CHN1: variants seen among roughly 807,000 people sequenced by gnomAD.
CHN1 encodes the protein chimerin 1, also known as N-chimaerin.
Under a neutral mutation model 59.5 loss-of-function variants are expected in CHN1, and 37 were observed. The ratio of observed to expected loss-of-function variants is 0.62; its 90% CI spans 0.48 to 0.82. The LOEUF (loss-of-function observed/expected upper bound fraction) is 0.82, where lower values mean the gene tolerates loss of function less well. CHN1 is among the 40% of genes least tolerant of loss of function. The pLI, the probability that CHN1 is intolerant of heterozygous loss-of-function variation, is 0.00. For missense variants in CHN1, 469 were observed against 571.0 expected (o/e 0.82, Z 1.82); for synonymous variants, 206 against 200.4 (o/e 1.03, Z -0.24).
intron 5 of CHN1, among the ~76,000 whole-genome samples, chr2:174,908,233 T>C (rs1688595802): frequency 1.3e-5 from 2 of 152,234 alleles, no homozygotes; most frequent in Non-Finnish European, 2.9e-5. Context: ...AAGTGAACCC[T>C]TTAAAATCTG....
At chr2:174,985,789 A>C (rs1691320120) in intron 1 of CHN1, among the ~76,000 whole-genome samples, 1 of 152,196 alleles carries the variant, frequency 6.6e-6, no homozygotes, top group Admixed American at 6.5e-5. Flanking sequence ...TCTAAACTTT[A>C]GCATTTTAAG....
chr2:174,845,788 G>A (rs960063352), intron 7 of CHN1, among the ~76,000 whole-genome samples: 1 of 116,042 alleles, frequency 8.6e-6, no homozygotes, highest in African/African-American at 3.2e-5. Context: ...GGGTGGGGGG[G>A]GGGGTGTTGG....
chr2:174,898,340 G>A (rs1161312156), intron 5 of CHN1, among the ~76,000 whole-genome samples: 2 of 151,718 alleles, frequency 1.3e-5, no homozygotes, highest in African/African-American at 2.4e-5. Flanking sequence ...AGTGGCTCAC[G>A]CCTGTAATCC....
chr2:174,952,056 AT>A (rs1690039206), intron 2 of CHN1, 107 bp downstream of exon 2: 1 of 694,312 alleles, frequency 1.4e-6, no homozygotes, highest in African/African-American at 1.9e-5. Context: ...GTTTAAATTA[AT>A]TTTTCAACAA....
chr2:174,902,838 T>C (rs1290869991), intron 5 of CHN1, among the ~76,000 whole-genome samples: 1 of 152,234 alleles, frequency 6.6e-6, no homozygotes, highest in Non-Finnish European at 1.5e-5. Context: ...CCTTTATCAG[T>C]ATCTACTATG....
At chr2:174,965,555 T>C (rs1690566753) in intron 1 of CHN1, among the ~76,000 whole-genome samples, 1 of 152,214 alleles carries the variant, frequency 6.6e-6, no homozygotes, top group Admixed American at 6.5e-5. Context: ...AAATGACCTA[T>C]GAACACTCAA....
rs1473157915 is a variant in CHN1, at chr2:174,813,239, G to A, written c.713-757C>T. Among the ~76,000 whole-genome samples the A allele has an allele frequency of 3.3e-5, 5 of 152,162 alleles. No homozygotes were observed. The East Asian group carries it at 9.6e-4, about 29-fold the overall frequency. ...TAGTACACAGTGGAACAGAACTCAA[G>A]CCTATGGATGATTCTAGAGTCCACA... On this transcript the variant is annotated intron_variant, in intron 8 of 12. Transcript: ENST00000409900.
At chr2:174,804,676 CAG>C (rs1684831653) in intron 11 of CHN1, among the ~76,000 whole-genome samples, 1 of 152,140 alleles carries the variant, frequency 6.6e-6, no homozygotes, top group African/African-American at 2.4e-5. Context: ...GCATGAGAAA[CAG>C]AAGAATCATG....
chr2:174,903,440 T>A (rs1003673486), intron 5 of CHN1, among the ~76,000 whole-genome samples: 6 of 152,174 alleles, frequency 3.9e-5, no homozygotes, highest in Admixed American at 3.3e-4. Context: ...TATGCACATA[T>A]GCCATAAAAA....
intron 5 of CHN1, among the ~76,000 whole-genome samples, chr2:174,900,975 C>A (rs556793717): frequency 1.3e-5 from 2 of 152,100 alleles, no homozygotes; most frequent in African/African-American, 4.8e-5. Flanking sequence ...AGAAAGCTTG[C>A]ATGGTAAATA....
At chr2:174,988,000 T>C (rs1178521959) in intron 1 of CHN1, among the ~76,000 whole-genome samples, 1 of 152,096 alleles carries the variant, frequency 6.6e-6, no homozygotes, top group Non-Finnish European at 1.5e-5. Context: ...AATTTTCACA[T>C]GCTAAAGAAC....
intron 3 of CHN1, among the ~76,000 whole-genome samples, chr2:174,927,967 A>AAAAAT (rs1355953131): frequency 6.6e-6 from 1 of 152,218 alleles, no homozygotes; most frequent in Non-Finnish European, 1.5e-5. Context: ...TTATACGTTA[A>AAAAAT]AAAATAAGTA....
At chr2:174,966,946 CATT>C (rs1470155635) in intron 1 of CHN1, among the ~76,000 whole-genome samples, 1 of 152,156 alleles carries the variant, frequency 6.6e-6, no homozygotes, top group Non-Finnish European at 1.5e-5. Flanking sequence ...AAAAACTCAT[CATT>C]AATAATATAA....
At chr2:174,976,010 C>A (rs1334416539) in intron 1 of CHN1, among the ~76,000 whole-genome samples, 2 of 150,372 alleles carry the variant, frequency 1.3e-5, no homozygotes, top group African/African-American at 4.9e-5. Flanking sequence ...TCTGTAGTCC[C>A]AGCTACTTGG....
chr2:175,004,090 A>C (rs1432853626), intron 1 of CHN1, among the ~76,000 whole-genome samples: 4 of 139,366 alleles, frequency 2.9e-5, no homozygotes, highest in African/African-American at 1.4e-4. Flanking sequence ...TTGAACGTCT[A>C]ATGTTCACAT....
intron 6 of CHN1, among the ~76,000 whole-genome samples, chr2:174,869,492 T>C (rs1233348379): frequency 5.6e-5 from 7 of 125,956 alleles, no homozygotes; most frequent in South Asian, 2.3e-4. Flanking sequence ...CTTGTCCTAA[T>C]AGAAATCCTG....
chr2:175,005,347 C>A lies in CHN1; in HGVS notation c.-435G>T. On this transcript the variant is annotated 5_prime_UTR_variant, in exon 1 of 13. Coordinates refer to ENST00000409900, the MANE Select transcript of CHN1 (RefSeq NM_001822.7). The stretch of plus-strand genomic sequence containing the variant: ...GGCGCGCTCACTCCGCATCCCGCGG[C>A]CTCGCAGACGCCATCTTGCGATAGC... 1 of 1,150,512 alleles carries A rather than the reference C, an allele frequency of 8.7e-7. No homozygotes were observed. Among genetic ancestry groups the A allele is most frequent in the South Asian group, 1.8e-5 (1 of 54,420 alleles). The allele number at this position is 1,150,512 out of a possible 1,614,324, so 71.3% of individuals were successfully genotyped here.
At chr2:174,897,649 T>C (rs143178792) in intron 5 of CHN1, among the ~76,000 whole-genome samples, 3 of 152,190 alleles carry the variant, frequency 2.0e-5, no homozygotes, top group East Asian at 3.9e-4. Flanking sequence ...GCTACCCATA[T>C]ATGTATGTAC....
intron 8 of CHN1, among the ~76,000 whole-genome samples, chr2:174,819,971 A>G (rs1172957223): frequency 5.9e-5 from 9 of 151,794 alleles, no homozygotes; most frequent in Non-Finnish European, 1.3e-4. Flanking sequence ...AATTTCATCC[A>G]TGTCCCTACA....
Sources: allele counts gnomAD v4.1 joint callset (sites outside exome capture counted in the v4.1 genomes callset), GRCh38; gene constraint gnomAD v4.1.1; transcripts MANE v1.5; gene names NCBI Gene and HGNC (gene_info 2026-07-23, HGNC 2026-07-21).